Variants in HDAC9 observed in about 807,000 individuals in gnomAD.
HDAC9 encodes the protein histone deacetylase 9.
HDAC9 carries 41 observed loss-of-function variants against 139.4 expected under a neutral mutation model. The ratio of observed to expected loss-of-function variants is 0.29; its 90% CI spans 0.23 to 0.38. The LOEUF (loss-of-function observed/expected upper bound fraction) is 0.38. Ranked by LOEUF, HDAC9 falls within the 10% of genes least tolerant of loss-of-function variation. HDAC9 has a pLI of 1.00. For missense variants in HDAC9, 1,147 were observed against 1,297.0 expected, an observed-to-expected ratio of 0.88 and a Z score of 1.78; for synonymous variants, 517 against 476.2, an observed-to-expected ratio of 1.09 and a Z score of -1.12.
chr7:18,124,947 G>A (rs761748102), intron 1 of HDAC9, among the ~76,000 whole-genome samples: 4 of 151,124 alleles, frequency 2.6e-5, no homozygotes, highest in Non-Finnish European at 4.4e-5. Flanking sequence ...AGATGACAGT[G>A]GTTGTTGGGG....
intron 2 of HDAC9, among the ~76,000 whole-genome samples, chr7:18,512,825 G>A (rs1443936247): frequency 1.3e-5 from 2 of 152,134 alleles, no homozygotes; most frequent in Non-Finnish European, 2.9e-5. Flanking sequence ...TCAAATATAC[G>A]AGTAAGTGTG....
chr7:18,218,528 G>A (rs1022866537), intron 2 of HDAC9, among the ~76,000 whole-genome samples: 7 of 152,174 alleles, frequency 4.6e-5, no homozygotes, highest in African/African-American at 9.6e-5. Flanking sequence ...CTAACCAACC[G>A]TTATACAGTG....
chr7:18,138,403 G>GT (rs1317346624), intron 1 of HDAC9, among the ~76,000 whole-genome samples: 1 of 152,016 alleles, frequency 6.6e-6, no homozygotes, highest in Non-Finnish European at 1.5e-5. Flanking sequence ...TGCAAATGGT[G>GT]TAAGAAGGGT....
intron 2 of HDAC9, among the ~76,000 whole-genome samples, chr7:18,198,460 G>A (rs1452064313): frequency 6.6e-6 from 1 of 152,256 alleles, no homozygotes; most frequent in East Asian, 1.9e-4. Context: ...GGAAGAATCA[G>A]TGGCTCAAAT....
intron 1 of HDAC9, among the ~76,000 whole-genome samples, chr7:18,139,298 G>A (rs1785711278): frequency 6.6e-6 from 1 of 151,382 alleles, no homozygotes; most frequent in Admixed American, 6.6e-5. Flanking sequence ...GCTAATTTTT[G>A]TTATTTTTTG....
intron 2 of HDAC9, chr7:18,578,337 C>G: frequency 2.2e-6 from 1 of 447,606 alleles, no homozygotes; most frequent in South Asian, 1.6e-5. Flanking sequence ...CGGAAAGAAG[C>G]TCTACTGAGC....
At chr7:18,861,799 T>A (rs879150104) in intron 21 of HDAC9, among the ~76,000 whole-genome samples, 1 of 152,218 alleles carries the variant, frequency 6.6e-6, no homozygotes, top group Admixed American at 6.5e-5. Flanking sequence ...CTAAATGTCA[T>A]ATTTGAAACT....
intron 1 of HDAC9, among the ~76,000 whole-genome samples, chr7:18,475,189 TG>T (rs1795021430): frequency 6.6e-6 from 1 of 152,196 alleles, no homozygotes; most frequent in African/African-American, 2.4e-5. Flanking sequence ...GGGAATCCAC[TG>T]CCTTAGTAAC....
intron 22 of HDAC9, among the ~76,000 whole-genome samples, chr7:18,890,303 C>G (rs1800564807): frequency 6.6e-6 from 1 of 152,158 alleles, no homozygotes; most frequent in Non-Finnish European, 1.5e-5. Context: ...GTTTTGATAA[C>G]AGCATATAAC....
intron 1 of HDAC9, among the ~76,000 whole-genome samples, chr7:18,452,304 C>T (rs1792946472): frequency 6.6e-6 from 1 of 152,100 alleles, no homozygotes; most frequent in Admixed American, 6.6e-5. Flanking sequence ...GCAGCAGGAA[C>T]ATTGTCCAGG....
chr7:18,693,385 G>A (rs1782808206), intron 12 of HDAC9, among the ~76,000 whole-genome samples: 1 of 152,148 alleles, frequency 6.6e-6, no homozygotes, highest in African/African-American at 2.4e-5. Context: ...AATAGATTGA[G>A]AAAACACAGT....
At chr7:18,204,849 C>A (rs928291670) in intron 2 of HDAC9, among the ~76,000 whole-genome samples, 1 of 151,706 alleles carries the variant, frequency 6.6e-6, no homozygotes, top group African/African-American at 2.4e-5. Flanking sequence ...TTTTATTTTA[C>A]CATGACTATT....
At chr7:18,634,176 C>T (rs755500383) in intron 7 of HDAC9, among the ~76,000 whole-genome samples, 1 of 152,008 alleles carries the variant, frequency 6.6e-6, no homozygotes, top group Non-Finnish European at 1.5e-5. Context: ...AAACAATTTA[C>T]AGCACAGCAT....
At chr7:18,377,822 T>G (rs1183746743) in intron 1 of HDAC9, among the ~76,000 whole-genome samples, 2 of 152,206 alleles carry the variant, frequency 1.3e-5, no homozygotes, top group Non-Finnish European at 2.9e-5. Flanking sequence ...AATCTGCAGT[T>G]ATCCATACAA....
At chr7:18,317,554 A>C (rs1320622460) in intron 1 of HDAC9, among the ~76,000 whole-genome samples, 2 of 152,162 alleles carry the variant, frequency 1.3e-5, no homozygotes, top group Non-Finnish European at 2.9e-5. Flanking sequence ...AAATAGTAGA[A>C]CCTATGACTC....
chr7:18,788,841 C>T lies in HDAC9; in HGVS notation c.2215-4504C>T, dbSNP rs372673098. ...ACTTACCTGAAACATTTTTCTCTCTCGTTTGCTCACATGTCGCTTTCTGTG... is the reference window on the plus strand; with the variant it reads ...ACTTACCTGAAACATTTTTCTCTCTTGTTTGCTCACATGTCGCTTTCTGTG... On this transcript the variant is annotated intron_variant, in intron 16 of 25. Transcript: ENST00000686413. Among the ~76,000 whole-genome samples, 8 of 151,676 alleles carry T rather than the reference C, an allele frequency of 5.3e-5. No homozygotes were observed. The South Asian group carries it at 6.2e-4, about 12-fold the overall frequency.
intron 1 of HDAC9, among the ~76,000 whole-genome samples, chr7:18,104,384 C>G (rs943576819): frequency 6.6e-6 from 1 of 151,878 alleles, no homozygotes; most frequent in Non-Finnish European, 1.5e-5. Flanking sequence ...ATTTCAATAT[C>G]TATCAGCTGA....
intron 21 of HDAC9, among the ~76,000 whole-genome samples, chr7:18,864,893 A>G (rs1309273282): frequency 6.6e-6 from 1 of 152,196 alleles, no homozygotes; most frequent in Non-Finnish European, 1.5e-5. Flanking sequence ...TTAAATACTT[A>G]AAATGGTTAA....
intron 12 of HDAC9, among the ~76,000 whole-genome samples, chr7:18,716,315 A>G (rs1283129254): frequency 2.0e-5 from 3 of 152,244 alleles, no homozygotes; most frequent in African/African-American, 7.2e-5. Context: ...TTGTAAAAAT[A>G]TAGAAGTTAA....
Sources: gnomAD v4.1 joint callset for allele counts (sites outside exome capture counted in the v4.1 genomes callset) on GRCh38, gnomAD v4.1.1 for gene constraint, MANE v1.5 for transcripts, NCBI Gene and HGNC (gene_info 2026-07-23, HGNC 2026-07-21) for gene names.